Variants in METTL25B observed in about 807,000 individuals in gnomAD.
METTL25B encodes methyltransferase-like protein 25B.
A neutral mutation model predicts 48.4 loss-of-function variants in METTL25B; 38 were observed. The observed-to-expected ratio is 0.78, with a 90% CI of 0.61 to 1.03. The LOEUF (loss-of-function observed/expected upper bound fraction) is 1.03. Among genes scored for constraint, METTL25B ranks in the 50% least tolerant of loss-of-function variants. The probability of loss-of-function intolerance (pLI) is 0.00; values close to 1 mark genes in which losing one functional copy is unlikely to be tolerated. For synonymous variants in METTL25B, 230 were observed against 254.5 expected (o/e 0.90, Z 0.92); for missense variants, 537 against 603.7 (o/e 0.89, Z 1.16).
At chr1:156,735,946 G>A (rs1186535673) in intron 7 of METTL25B, 37 bp downstream of exon 7, 2 of 1,546,228 alleles carry the variant, frequency 1.3e-6, no homozygotes, top group Non-Finnish European at 1.8e-6. Context: ...AAGGACTATA[G>A]TGACTGGGGT....
chr1:156,735,965 T>TTGGAGAAGGAGCCCCAGAA, intron 7 of METTL25B, 56 bp downstream of exon 7: 1 of 1,476,584 alleles, frequency 6.8e-7, no homozygotes, highest in Non-Finnish European at 9.2e-7. Flanking sequence ...GTTCTGGGGC[T>TTGGAGAAGGAGCCCCAGAA]CCTTCTCCAA....
chr1:156,731,417 C>A (rs1478148002), intron 1 of METTL25B, among the ~76,000 whole-genome samples: 1 of 152,218 alleles, frequency 6.6e-6, no homozygotes, highest in Non-Finnish European at 1.5e-5. Context: ...AGCCACCATG[C>A]CCGGCCAAAG....
chr1:156,734,452 C>T lies in METTL25B; in HGVS notation c.1080C>T (p.Gly360=), dbSNP rs749857448. The change falls in exon 6 of 8, where the codon GGC becomes GGT. Residue 360 remains glycine (G), a synonymous_variant. Coordinates refer to ENST00000368216, the MANE Select transcript of METTL25B (RefSeq NM_015997.4). ...CCCGGCCCGAGCTCCGTCGGCCAGG[C>T]GTGCAGGGTATCCCCAGGGTCCACG... is the stretch of plus-strand genomic sequence containing the variant. ...RRARPELRRP[G]VQGIPRVHEL... The T allele has an allele frequency of 7.5e-6, 12 of 1,602,278 alleles. No individual in the cohort carries two copies. The highest frequency in any genetic ancestry group is 1.1e-5 in the South Asian group (1 of 89,536).
chr1:156,736,570 G>C (rs974444553), intron 7 of METTL25B, 62 bp from the exon 8 acceptor site: 1 of 1,603,194 alleles, frequency 6.2e-7, no homozygotes, highest in Non-Finnish European at 8.5e-7. Context: ...TACAGGCCTG[G>C]GCAGAAGAGG....
intron 6 of METTL25B, among the ~76,000 whole-genome samples, chr1:156,735,062 G>C (rs902890321): frequency 2.6e-5 from 4 of 151,770 alleles, no homozygotes; most frequent in African/African-American, 9.7e-5. Context: ...GCTGATACGG[G>C]CCGATCACCT....
chr1:156,732,234 AGAT>A (rs1649356299), intron 2 of METTL25B, 44 bp from the exon 3 acceptor site: 2 of 1,609,534 alleles, frequency 1.2e-6, no homozygotes, highest in African/African-American at 2.7e-5. Context: ...TGCTGCACTC[AGAT>A]GTGATGGGAC....
chr1:156,733,917 A>T, intron 5 of METTL25B, 92 bp from the exon 6 acceptor site: 1 of 1,481,290 alleles, frequency 6.8e-7, no homozygotes, highest in Non-Finnish European at 9.0e-7. Context: ...TTGGGGAATA[A>T]CATGGAGGAC....
intron 6 of METTL25B, among the ~76,000 whole-genome samples, chr1:156,735,306 T>C (rs1413220830): frequency 6.6e-6 from 1 of 150,866 alleles, no homozygotes; most frequent in Non-Finnish European, 1.5e-5. Flanking sequence ...AAAAAAAGTT[T>C]TTTAAATGCT....
intron 4 of METTL25B, 36 bp downstream of exon 4, chr1:156,733,083 C>A: frequency 6.3e-7 from 1 of 1,592,548 alleles, no homozygotes; most frequent in Non-Finnish European, 8.6e-7. Context: ...TTTTTTGAGT[C>A]ATGGGGACAT....
chr1:156,730,612 G>T (rs1450423476), intron 1 of METTL25B, among the ~76,000 whole-genome samples: 1 of 151,994 alleles, frequency 6.6e-6, no homozygotes, highest in African/African-American at 2.4e-5. Flanking sequence ...CACACCTGTA[G>T]TCCCAGCTAC....
At position 156,734,375 on chromosome 1, in the gene METTL25B, G is replaced by A; in HGVS notation, c.1003G>A (p.Gly335Ser). Residue 335 changes from glycine (G) to serine (S), a missense_variant, in exon 6 of 8, where the codon GGC (glycine) becomes AGC (serine). By Grantham distance (56) the Gly-to-Ser change is moderately conservative. Transcript: ENST00000368216. ...YAERLQKAGP[G>S]LRTHCYRAAL... ...TGAGCGGCTACAGAAAGCTGGCCCT[G>A]GCCTTCGAACTCACTGCTACCGTGC... 1 of 1,613,898 alleles carries A rather than the reference G, an allele frequency of 6.2e-7. No individual in the cohort carries two copies. The highest frequency in any genetic ancestry group is 8.5e-7 in the Non-Finnish European group (1 of 1,179,888).
At chr1:156,732,937 G>C in intron 3 of METTL25B, 48 bp from the exon 4 acceptor site, 4 of 1,534,986 alleles carry the variant, frequency 2.6e-6, no homozygotes, top group Non-Finnish European at 3.6e-6. Flanking sequence ...GTTTGCCCCA[G>C]GAGTCAATAA....
intron 1 of METTL25B, 55 bp downstream of exon 1, chr1:156,729,270 C>G: frequency 9.9e-7 from 1 of 1,014,544 alleles, no homozygotes; most frequent in South Asian, 1.3e-5. Flanking sequence ...TGGCTAGGTG[C>G]CCACGTCAGG....
chr1:156,736,601 C>T, intron 7 of METTL25B, 31 bp from the exon 8 acceptor site: 1 of 1,613,062 alleles, frequency 6.2e-7, no homozygotes, highest in South Asian at 1.1e-5. Context: ...TTGGTTCATT[C>T]TTCCCCTTAT....
At chr1:156,732,163 C>T (rs758672901) in intron 2 of METTL25B, 48 bp downstream of exon 2, 1 of 1,613,278 alleles carries the variant, frequency 6.2e-7, no homozygotes, top group Admixed American at 1.7e-5. Context: ...GCTTTAAGCC[C>T]TGCAGTGAGC....
intron 7 of METTL25B, 45 bp downstream of exon 7, chr1:156,735,954 G>C: frequency 6.6e-7 from 1 of 1,523,650 alleles, no homozygotes; most frequent in South Asian, 1.2e-5. Context: ...TAGTGACTGG[G>C]GTTCTGGGGC....
At chr1:156,734,863 C>T (rs1649619145) in intron 6 of METTL25B, among the ~76,000 whole-genome samples, 1 of 151,588 alleles carries the variant, frequency 6.6e-6, no homozygotes, top group African/African-American at 2.4e-5. Flanking sequence ...GATCTTCTAC[C>T]CTCACTTTCA....
chr1:156,730,562 A>G (rs1649193796), intron 1 of METTL25B, among the ~76,000 whole-genome samples: 1 of 138,118 alleles, frequency 7.2e-6, no homozygotes, highest in African/African-American at 2.5e-5. Flanking sequence ...CGTCTCTACT[A>G]AAATAAAATA....
chr1:156,736,529 A>G, intron 7 of METTL25B, 103 bp from the exon 8 acceptor site: 1 of 1,391,768 alleles, frequency 7.2e-7, no homozygotes, highest in Non-Finnish European at 9.9e-7. Flanking sequence ...GCCCCGCTGG[A>G]TCCTCCCCCA....
Sources: allele counts gnomAD v4.1 joint callset (sites outside exome capture counted in the v4.1 genomes callset), GRCh38; gene constraint gnomAD v4.1.1; transcripts MANE v1.5; gene names NCBI Gene and HGNC (gene_info 2026-07-23, HGNC 2026-07-21).